Variants in C1orf159 observed in about 807,000 individuals in gnomAD.
The protein encoded by C1orf159 is chromosome 1 open reading frame 159, also known as uncharacterized protein C1orf159.
Under a neutral mutation model 25.6 loss-of-function variants are expected in C1orf159, and 19 were observed. The ratio of observed to expected loss-of-function variants is 0.74; its 90% CI spans 0.52 to 1.09. C1orf159 has a LOEUF of 1.09. Among genes scored for constraint, C1orf159 ranks in the 50% least tolerant of loss-of-function variants. The pLI is 0.00. For synonymous variants in C1orf159, 139 were observed against 124.7 expected (o/e 1.12, Z -0.77); for missense variants, 274 against 290.6 (o/e 0.94, Z 0.42).
intron 3 of C1orf159, chr1:1,090,924 T>TG: frequency 6.5e-7 from 1 of 1,550,370 alleles, no homozygotes; most frequent in Non-Finnish European, 8.7e-7. Flanking sequence ...TGGACAGGCC[T>TG]GGGGGGCTCA....
chr1:1,111,534 A>G (rs538469178), intron 1 of C1orf159, among the ~76,000 whole-genome samples: 2 of 151,978 alleles, frequency 1.3e-5, no homozygotes, highest in East Asian at 3.9e-4. Context: ...ACCCCGTCTC[A>G]ACAACAACAA....
chr1:1,110,933 C>T lies in C1orf159; in HGVS notation c.-136+5127G>A, dbSNP rs530395944. Among the ~76,000 whole-genome samples, 3 of 152,338 alleles carry T rather than the reference C, an allele frequency of 2.0e-5. No homozygotes were observed. Among genetic ancestry groups the T allele is most frequent in the Admixed American group, 6.5e-5 (1 of 15,306 alleles). ...ATCACAGCAGCGCTCCTGTCTGGCG[C>T]GGCAGGCGGGCGCTGGAGCAGCCTG... On this transcript the variant is annotated intron_variant, in intron 1 of 9. Transcript: ENST00000421241. The surrounding 1 kb of genome is among the most constrained non-coding windows in gnomAD (Gnocchi z 4.8).
In C1orf159 at chr1:1,105,070, A is replaced by G. The variant is rs535472327; in HGVS notation, c.-136+10990T>C. On this transcript the variant is annotated intron_variant, in intron 1 of 9. Transcript: ENST00000421241. ...CTTTAAATATGAGGAAAAGACTTGC[A>G]TAAGACCACACTGTGAGTAGGCGGC... Among the ~76,000 whole-genome samples the G allele has an allele frequency of 9.3e-4, 142 of 152,384 alleles. 1 individual carries two copies. Among genetic ancestry groups the G allele is most frequent in the African/African-American group, 3.2e-3 (135 of 41,588 alleles).
intron 1 of C1orf159, chr1:1,106,854 G>C (rs1411075354): frequency 6.6e-6 from 1 of 152,610 alleles, no homozygotes; most frequent in African/African-American, 2.4e-5. Context: ...GGCTCGGCGG[G>C]CCCCGCACTC....
chr1:1,098,792 AG>A (rs1413988026), intron 1 of C1orf159, among the ~76,000 whole-genome samples: 2 of 152,092 alleles, frequency 1.3e-5, no homozygotes, highest in Non-Finnish European at 2.9e-5. Flanking sequence ...TTGTATTTTT[AG>A]TATAGATGGG....
At position 1,082,433 on chromosome 1, in the gene C1orf159, A is replaced by G; in HGVS notation, c.*460T>C. ...CACCGGCTGGAACGGCACGAGGACC[A>G]GCCTCACTGTTCTCAGAGGGGTCTC... On this transcript the variant is annotated 3_prime_UTR_variant, in exon 10 of 10. Coordinates refer to ENST00000421241, the MANE Select transcript of C1orf159 (RefSeq NM_017891.5). 5.5e-6 allele frequency: 1 copy of G among 182,844 alleles called. No homozygotes were observed. Among genetic ancestry groups the G allele is most frequent in the South Asian group, 1.0e-4 (1 of 10,016 alleles). The allele number at this position is 182,844 out of a possible 1,614,324, so 11.3% of individuals were successfully genotyped here. A position where few individuals can be genotyped will look rare whatever the true frequency, so the allele number is the denominator to read the frequency against.
intron 1 of C1orf159, among the ~76,000 whole-genome samples, chr1:1,094,890 G>A (rs1398729964): frequency 6.6e-6 from 1 of 152,142 alleles, no homozygotes; most frequent in African/African-American, 2.4e-5. Flanking sequence ...TACAGTTTTA[G>A]CTTTTGCATT....
intron 1 of C1orf159, among the ~76,000 whole-genome samples, chr1:1,095,324 C>A (rs889640892): frequency 6.6e-6 from 1 of 152,248 alleles, no homozygotes; most frequent in African/African-American, 2.4e-5. Flanking sequence ...TGCTGTCTCT[C>A]TTCATCCCTC....
In C1orf159 at chr1:1,087,040, C is replaced by T; in HGVS notation, c.310+99G>A. On this transcript the variant is annotated intron_variant, in intron 6 of 9. Coordinates refer to ENST00000421241, the MANE Select transcript of C1orf159 (RefSeq NM_017891.5). This position sits in a 1 kb window ranked among gnomAD's most constrained non-coding sequence, Gnocchi z 8.3. ...TCTGGCTGTTTTGCAGAACCCTGAG[C>T]CTGCTGTGGCTGCGTCAAGGGTGAG... 1 of 1,249,768 alleles carries T rather than the reference C, an allele frequency of 8.0e-7. No individual in the cohort carries two copies. The highest frequency in any genetic ancestry group is 1.1e-6 in the Non-Finnish European group (1 of 886,736). The allele number at this position is 1,249,768 out of a possible 1,614,324, so 77.4% of individuals were successfully genotyped here.
chr1:1,108,907 C>T lies in C1orf159; in HGVS notation c.-136+7153G>A, dbSNP rs1475372097. 2.1e-4 allele frequency among the ~76,000 whole-genome samples: 23 copies of T among 107,646 alleles called. 1 individual carries two copies. The highest frequency in any genetic ancestry group is 2.8e-4 in the East Asian group (1 of 3,604). The allele number at this position is 107,646 out of a possible 152,430, so 70.6% of individuals were successfully genotyped here. On this transcript the variant is annotated intron_variant, in intron 1 of 9. Coordinates refer to ENST00000421241, the MANE Select transcript of C1orf159 (RefSeq NM_017891.5). Reference sequence around the variant, plus strand: ...ACCGTCCACCACAGCCACCATGTCTCGGCAGCACCGTCCACCACAGCCACC... The same window carrying T: ...ACCGTCCACCACAGCCACCATGTCTTGGCAGCACCGTCCACCACAGCCACC...
At chr1:1,112,040 T>G (rs1279836061) in intron 1 of C1orf159, among the ~76,000 whole-genome samples, 1 of 152,218 alleles carries the variant, frequency 6.6e-6, no homozygotes, top group Non-Finnish European at 1.5e-5. Flanking sequence ...GTCGGGCGGT[T>G]GCCGTAGGTG....
intron 3 of C1orf159, chr1:1,091,252 C>G (rs1645928307): frequency 1.5e-6 from 1 of 646,092 alleles, no homozygotes; most frequent in Admixed American, 2.9e-5. Flanking sequence ...CCCGCCTGAC[C>G]CAGCCATTCC....
chr1:1,087,744 G>A lies in C1orf159; in HGVS notation c.149-147C>T, dbSNP rs77053682. On this transcript the variant is annotated intron_variant, in intron 4 of 9. Transcript: ENST00000421241. This position sits in a 1 kb window ranked among gnomAD's most constrained non-coding sequence, Gnocchi z 8.3. ...GGAGGGTAGGTGGGCGGCAGACAAG[G>A]ACACCCCCAGGGAGCATGGCGGGGC... 575 of 655,470 alleles carry A rather than the reference G, an allele frequency of 8.8e-4. 1 individual carries two copies. In the African/African-American group the frequency reaches 9.2e-3, roughly 11 times the overall value. 40.6% of individuals were successfully genotyped at this position (655,470 alleles called of 1,614,324 possible).
chr1:1,091,046 C>G lies in C1orf159; in HGVS notation c.72+426G>C, dbSNP rs528020417. ...TGCGGAGTGCGGGATAGAATCCACA[C>G]CGCCAGGGAGGGGCCCAGGTCCGGT... On this transcript the variant is annotated intron_variant, in intron 3 of 9. Coordinates refer to ENST00000421241, the MANE Select transcript of C1orf159 (RefSeq NM_017891.5). The G allele has an allele frequency of 1.3e-4, 175 of 1,364,526 alleles. No individual in the cohort carries two copies. The African/African-American group carries it at 2.1e-3, about 17-fold the overall frequency. The allele number at this position is 1,364,526 out of a possible 1,614,324, so 84.5% of individuals were successfully genotyped here. A position where few individuals can be genotyped will look rare whatever the true frequency, so the allele number is the denominator to read the frequency against.
rs887319658 is a variant in C1orf159, at chr1:1,089,911, G to A, written c.148+442C>T. 2.0e-5 allele frequency among the ~76,000 whole-genome samples: 3 copies of A among 152,186 alleles called. No homozygotes were observed. The highest frequency in any genetic ancestry group is 6.5e-5 in the Admixed American group (1 of 15,284). The stretch of plus-strand genomic sequence containing the variant: ...TGCCCGTGGCACGCTGACACAGGCC[G>A]GCATCCTCGTGGCGTCCTGTTGATT... On this transcript the variant is annotated intron_variant, in intron 4 of 9. Coordinates refer to ENST00000421241, the MANE Select transcript of C1orf159 (RefSeq NM_017891.5). The surrounding 1 kb of genome is among the most constrained non-coding windows in gnomAD (Gnocchi z 7.5).
intron 4 of C1orf159, among the ~76,000 whole-genome samples, chr1:1,088,210 C>A (rs1477141154): frequency 1.0e-5 from 1 of 97,408 alleles, no homozygotes; most frequent in Admixed American, 9.5e-5. Context: ...ACCCCCCCCC[C>A]ATGGCCTCCC....
intron 1 of C1orf159, among the ~76,000 whole-genome samples, chr1:1,109,153 G>A (rs1646224010): frequency 6.6e-6 from 1 of 152,150 alleles, no homozygotes. Context: ...CAGATGAATG[G>A]ATAAACAAAA....
intron 6 of C1orf159, 67 bp from the exon 7 acceptor site, chr1:1,086,079 G>A: frequency 1.3e-6 from 2 of 1,572,972 alleles, no homozygotes; most frequent in Non-Finnish European, 1.7e-6. Flanking sequence ...GGCCCCCGGT[G>A]CCCCCTGCAC....
rs112399033 is a variant in C1orf159 at position 1,091,559 on chromosome 1, G to A, written c.-16C>T. 6.6e-3 allele frequency: 10,201 copies of A among 1,547,790 alleles called. 55 individuals are homozygous for A. The highest frequency in any genetic ancestry group is 7.3e-3 in the Middle Eastern group (37 of 5,048). On this transcript the variant is annotated 5_prime_UTR_variant, in exon 3 of 10. Coordinates refer to ENST00000421241, the MANE Select transcript of C1orf159 (RefSeq NM_017891.5). ...GCAGCGCCATGCCAGGAGCAGATGC[G>A]CAGAGCCTGCCACAGGGAGGAGCAT...
Sources: gnomAD v4.1 joint callset for allele counts (sites outside exome capture counted in the v4.1 genomes callset) on GRCh38, gnomAD v4.1.1 for gene constraint, Gnocchi (gnomAD v3.1) non-coding constraint, MANE v1.5 for transcripts, NCBI Gene and HGNC (gene_info 2026-07-23, HGNC 2026-07-21) for gene names.